ABCC8: variants seen among roughly 807,000 people sequenced by gnomAD.
ABCC8 encodes ATP-binding cassette sub-family C member 8.
ABCC8 carries 137 observed loss-of-function variants against 188.0 expected under a neutral mutation model. That is an observed-to-expected ratio of 0.73 (90% CI 0.63 to 0.84). ABCC8 has a LOEUF of 0.84. Among genes scored for constraint, ABCC8 ranks in the 40% least tolerant of loss-of-function variants. The probability of loss-of-function intolerance (pLI) is 0.00; values close to 1 mark genes in which losing one functional copy is unlikely to be tolerated. For missense variants in ABCC8, 1,750 were observed against 2,072.7 expected, an observed-to-expected ratio of 0.84 and a Z score of 3.02; for synonymous variants, 797 against 846.5, an observed-to-expected ratio of 0.94 and a Z score of 1.01.
At chr11:17,439,650 G>A (rs1956237637) in intron 10 of ABCC8, among the ~76,000 whole-genome samples, 2 of 152,032 alleles carry the variant, frequency 1.3e-5, no homozygotes, top group Non-Finnish European at 2.9e-5. Flanking sequence ...CCTCGGAAAG[G>A]CAAACACACT....
At chr11:17,410,705 G>A (rs1954768369) in intron 21 of ABCC8, 52 bp from the exon 22 acceptor site, 5 of 1,612,190 alleles carry the variant, frequency 3.1e-6, no homozygotes, top group East Asian at 4.5e-5. Flanking sequence ...GCATGGTGGG[G>A]AGGGGTGACA....
At chr11:17,418,391 A>G (rs925480751) in intron 16 of ABCC8, among the ~76,000 whole-genome samples, 3 of 152,150 alleles carry the variant, frequency 2.0e-5, no homozygotes, top group African/African-American at 4.8e-5. Flanking sequence ...TCTGATGGGT[A>G]TGTAGTCCCC....
In ABCC8 at chr11:17,473,705, G is replaced by A. The variant is rs773125009; in HGVS notation, c.290+1181C>T. Among the ~76,000 whole-genome samples, 4 of 152,168 alleles carry A rather than the reference G, an allele frequency of 2.6e-5. No homozygotes were observed. The South Asian group carries it at 6.2e-4, about 24-fold the overall frequency. Reference sequence around the variant, plus strand: ...GACTGCTGACACACCATTTCTGTCTGCAGTTATTGCTCACCTAGACTACTG... The same window carrying A: ...GACTGCTGACACACCATTTCTGTCTACAGTTATTGCTCACCTAGACTACTG... On this transcript the variant is annotated intron_variant, in intron 2 of 38. Transcript: ENST00000389817.
In ABCC8 at chr11:17,412,636, G is replaced by A. The variant is rs76285388; in HGVS notation, c.2556+30C>T. On this transcript the variant is annotated intron_variant, in intron 21 of 38. Transcript: ENST00000389817. ...CAGTTAGGCCTGGGAGGCAGCCAGA[G>A]ACCAGGACCCCAAGGGAACTTGCAC... 5.9e-4 allele frequency: 948 copies of A among 1,600,176 alleles called. 8 individuals are homozygous for A. In the African/African-American group the frequency reaches 0.012, roughly 20 times the overall value.
chr11:17,416,238 T>C (rs4148625), intron 17 of ABCC8, among the ~76,000 whole-genome samples: 74,135 of 151,936 alleles, frequency 0.49, 20,387 homozygotes, highest in East Asian at 0.64. Flanking sequence ...GTATCTCAAG[T>C]GTTTTTTGGA....
rs775776658 is a variant in ABCC8 at position 17,474,926 on chromosome 11, C to G, written c.250G>C (p.Val84Leu). 1 of 1,614,180 alleles carries G rather than the reference C, an allele frequency of 6.2e-7. No homozygotes were observed. Among genetic ancestry groups the G allele is most frequent in the African/African-American group, 1.3e-5 (1 of 75,032 alleles). ...CCCTCTGCAATCTCACACACCAGGA[C>G]GAAGAGCAGCATGAAGGTCAGGATC... The part of the protein sequence containing the change: ...RWILTFMLLF[V>L]LVCEIAEGIL... The change falls in exon 2 of 39, where the codon GTC becomes CTC. Residue 84 changes from valine to leucine, a missense_variant. Coordinates refer to ENST00000389817, the MANE Select transcript of ABCC8 (RefSeq NM_000352.6).
intron 22 of ABCC8, 88 bp from the exon 23 acceptor site, chr11:17,408,605 T>C: frequency 6.5e-7 from 1 of 1,532,340 alleles, no homozygotes; most frequent in Non-Finnish European, 8.7e-7. Context: ...AAGATGGAGG[T>C]TGACACATCC....
At chr11:17,417,077 C>G in intron 16 of ABCC8, 115 bp from the exon 17 acceptor site, 2 of 1,566,196 alleles carry the variant, frequency 1.3e-6, no homozygotes, top group Non-Finnish European at 1.7e-6. Flanking sequence ...CCCACCCATT[C>G]CCAGGGTTTC....
At chr11:17,414,207 G>C (rs1029229682) in intron 19 of ABCC8, among the ~76,000 whole-genome samples, 1 of 152,224 alleles carries the variant, frequency 6.6e-6, no homozygotes, top group Admixed American at 6.5e-5. Context: ...TAGTGCAGGA[G>C]CCAGGCGAAT....
At chr11:17,435,866 G>A in intron 10 of ABCC8, 12 of 1,250,428 alleles carry the variant, frequency 9.6e-6, no homozygotes, top group Non-Finnish European at 1.1e-5. Context: ...CCCGGACACA[G>A]GGACTTCACG....
intron 3 of ABCC8, among the ~76,000 whole-genome samples, chr11:17,467,829 G>T (rs1252035038): frequency 6.6e-6 from 1 of 152,232 alleles, no homozygotes; most frequent in Non-Finnish European, 1.5e-5. Context: ...CCTTTCAAGG[G>T]GAGATAACTC....
chr11:17,424,607 C>T (rs912690094), intron 16 of ABCC8, among the ~76,000 whole-genome samples: 1 of 152,150 alleles, frequency 6.6e-6, no homozygotes, highest in African/African-American at 2.4e-5. Flanking sequence ...GGCAAAGGGA[C>T]CAGGTTCAGA....
At chr11:17,448,806 G>A in intron 7 of ABCC8, 135 bp from the exon 8 acceptor site, 1 of 1,416,954 alleles carries the variant, frequency 7.1e-7, no homozygotes. Flanking sequence ...CTGTAAGGTG[G>A]TACTGTATCA....
intron 22 of ABCC8, among the ~76,000 whole-genome samples, chr11:17,409,728 T>A (rs1398690750): frequency 6.6e-6 from 1 of 152,118 alleles, no homozygotes; most frequent in East Asian, 1.9e-4. Context: ...AGACCTAGAG[T>A]TCAAAATTAC....
chr11:17,397,343 C>CCATG, intron 31 of ABCC8, 30 bp from the exon 32 acceptor site: 1 of 1,605,970 alleles, frequency 6.2e-7, no homozygotes, highest in Non-Finnish European at 8.5e-7. Context: ...GGCGCACACT[C>CCATG]CATGGTCGCT....
In ABCC8 at chr11:17,410,770, G is replaced by T. The variant is rs192275685; in HGVS notation, c.2557-117C>A. ...AACTCTGCTCTAGGGACTGAAGCTA[G>T]TTAGCTGTGTGGCTTTGGACAACTC... is the stretch of plus-strand genomic sequence containing the variant. On this transcript the variant is annotated intron_variant, in intron 21 of 38. Transcript: ENST00000389817. 9.6e-4 allele frequency: 1,433 copies of T among 1,499,320 alleles called. 3 individuals carry two copies. Among genetic ancestry groups the T allele is most frequent in the Non-Finnish European group, 1.1e-3 (1,261 of 1,099,272 alleles). The allele number at this position is 1,499,320 out of a possible 1,614,324, so 92.9% of individuals were successfully genotyped here.
At position 17,427,154 on chromosome 11, in the gene ABCC8, C is replaced by T; in HGVS notation, c.2117G>A (p.Gly706Asp). 1 of 1,612,090 alleles carries T rather than the reference C, an allele frequency of 6.2e-7. No homozygotes were observed. Among genetic ancestry groups the T allele is most frequent in the Non-Finnish European group, 8.5e-7 (1 of 1,179,094 alleles). The change falls in exon 16 of 39, where the codon GGC becomes GAC. Residue 706 changes from glycine (G) to aspartate (D), a missense_variant and splice_region_variant. Gly to Asp is a moderately conservative substitution (Grantham distance 94). Coordinates refer to ENST00000389817, the MANE Select transcript of ABCC8 (RefSeq NM_000352.6). The surrounding 1 kb of genome is among the most constrained non-coding windows in gnomAD (Gnocchi z 5.0). ...CTGCCCCACGATCATAGTCAGCTGG[C>T]CTGCAGGGAGGGAGGGTGGCAGATG... Reference protein sequence around the residue: ...LSNITIRIPRGQLTMIVGQVG... With the variant: ...LSNITIRIPRDQLTMIVGQVG...
Position 17,427,295 on chromosome 11 carries a change from C to T in ABCC8, c.2117-141G>A, listed in dbSNP as rs1317084477. The T allele has an allele frequency of 1.5e-6, 2 of 1,355,928 alleles. No homozygotes were observed. Among genetic ancestry groups the T allele is most frequent in the East Asian group, 2.7e-5 (1 of 37,134 alleles). 84.0% of individuals were successfully genotyped at this position (1,355,928 alleles called of 1,614,324 possible). On this transcript the variant is annotated intron_variant, in intron 15 of 38. Coordinates refer to ENST00000389817, the MANE Select transcript of ABCC8 (RefSeq NM_000352.6). This position sits in a 1 kb window ranked among gnomAD's most constrained non-coding sequence, Gnocchi z 5.0. ...CTACCTAGAATCCCCAGCAAGTCCT[C>T]TCCCTCTTTAATCCTTTCCTTCTGG...
rs761017115 is a variant in ABCC8 at position 17,397,789 on chromosome 11, G to A, written c.3762C>T (p.Ile1254=). Residue 1254 remains isoleucine, a synonymous_variant, in exon 31 of 39, where the codon ATC becomes ATT. Transcript: ENST00000389817. The part of the protein sequence containing the change: ...NRWLEVRMEY[I]GACVVLIAAV... The stretch of plus-strand genomic sequence containing the variant: ...CTGCGATGAGCACCACACATGCACC[G>A]ATGTACTCCTGGGGAGGGAGAGGAG... 22 of 1,613,620 alleles carry A rather than the reference G, an allele frequency of 1.4e-5. No individual in the cohort carries two copies. Among genetic ancestry groups the A allele is most frequent in the Admixed American group, 6.7e-5 (4 of 59,998 alleles).
Sources: gnomAD v4.1 joint callset for allele counts (sites outside exome capture counted in the v4.1 genomes callset) on GRCh38, gnomAD v4.1.1 for gene constraint, Gnocchi (gnomAD v3.1) non-coding constraint, MANE v1.5 for transcripts, NCBI Gene and HGNC (gene_info 2026-07-23, HGNC 2026-07-21) for gene names.